The following ZNF385B variants were observed in gnomAD, a reference collection of about 807,000 sequenced individuals.
ZNF385B encodes the protein zinc finger protein 385B.
ZNF385B carries 23 observed loss-of-function variants against 39.2 expected under a neutral mutation model. The observed-to-expected ratio is 0.59, with a 90% CI of 0.42 to 0.83. ZNF385B has a LOEUF of 0.83. Among genes scored for constraint, ZNF385B ranks in the 40% least tolerant of loss-of-function variants. ZNF385B has a pLI of 0.00. For synonymous variants in ZNF385B, 205 were observed against 222.6 expected, an observed-to-expected ratio of 0.92 and a Z score of 0.70; for missense variants, 552 against 598.9, an observed-to-expected ratio of 0.92 and a Z score of 0.82.
Position 179,443,179 on chromosome 2 carries a change from A to G in ZNF385B, c.*71T>C. 6.3e-7 allele frequency: 1 copy of G among 1,579,632 alleles called. No homozygotes were observed. Among genetic ancestry groups the G allele is most frequent in the South Asian group, 1.1e-5 (1 of 89,254 alleles). On this transcript the variant is annotated 3_prime_UTR_variant, in exon 10 of 10. Coordinates refer to ENST00000410066, the MANE Select transcript of ZNF385B (RefSeq NM_152520.6). ...GGGGGTACTGCAACACAAACTGCTT[A>G]AATTGCTGAATCCTTGTGGCTTTCT... is the stretch of plus-strand genomic sequence containing the variant.
At chr2:179,759,513 T>G (rs1703240375) in intron 3 of ZNF385B, among the ~76,000 whole-genome samples, 5 of 152,284 alleles carry the variant, frequency 3.3e-5, no homozygotes, top group African/African-American at 4.8e-5. Flanking sequence ...GATCTTCCTC[T>G]TTTCCCCCAA....
intron 3 of ZNF385B, among the ~76,000 whole-genome samples, chr2:179,756,862 G>A (rs1007939900): frequency 6.6e-6 from 1 of 152,094 alleles, no homozygotes; most frequent in Non-Finnish European, 1.5e-5. Flanking sequence ...TTAGCCATTT[G>A]TGTAATCTTT....
chr2:179,605,832 C>A (rs535285819), intron 3 of ZNF385B, among the ~76,000 whole-genome samples: 4 of 152,166 alleles, frequency 2.6e-5, no homozygotes, highest in Non-Finnish European at 4.4e-5. Flanking sequence ...GGCTGGAAAC[C>A]TCTAGGGTCC....
intron 3 of ZNF385B, among the ~76,000 whole-genome samples, chr2:179,751,712 A>G (rs1158189174): frequency 2.0e-5 from 3 of 152,072 alleles, no homozygotes; most frequent in Non-Finnish European, 4.4e-5. Flanking sequence ...TACAGACTAT[A>G]GCAGCAAGAA....
At position 179,443,416 on chromosome 2, in the gene ZNF385B, A is replaced by T. The variant is rs745453353; in HGVS notation, c.1295T>A (p.Leu432Gln). ...DMMKPLAPAF[L>Q]SSPLAAAAAV... is the part of the protein sequence containing the mutation. The stretch of plus-strand genomic sequence containing the variant: ...TGCCGCCGCTGCGAGAGGTGAGGAC[A>T]GGAAGGCTGGGGCCAAAGGCTTCAT... The change falls in exon 10 of 10, where the codon CTG becomes CAG. Residue 432 changes from leucine to glutamine, a missense_variant. By Grantham distance (113) the Leu-to-Gln change is moderately radical. Transcript: ENST00000410066. 7 of 1,611,584 alleles carry T rather than the reference A, an allele frequency of 4.3e-6. No individual in the cohort carries two copies.
chr2:179,600,926 A>G (rs1185525854), intron 3 of ZNF385B, among the ~76,000 whole-genome samples: 2 of 152,240 alleles, frequency 1.3e-5, no homozygotes, highest in Non-Finnish European at 2.9e-5. Context: ...TAATAGCAGC[A>G]TTTAGACTCT....
At chr2:179,725,707 T>C (rs1259873007) in intron 3 of ZNF385B, among the ~76,000 whole-genome samples, 2 of 151,372 alleles carry the variant, frequency 1.3e-5, no homozygotes, top group African/African-American at 4.8e-5. Flanking sequence ...AAAATTACTA[T>C]GCAAATTGTT....
At chr2:179,687,161 A>C (rs1697987036) in intron 3 of ZNF385B, among the ~76,000 whole-genome samples, 1 of 151,292 alleles carries the variant, frequency 6.6e-6, no homozygotes, top group South Asian at 2.1e-4. Context: ...GCTTGAGTGC[A>C]GTCCAGCACA....
At chr2:179,663,090 C>T (rs1694689159) in intron 3 of ZNF385B, among the ~76,000 whole-genome samples, 1 of 152,074 alleles carries the variant, frequency 6.6e-6, no homozygotes, top group African/African-American at 2.4e-5. Context: ...AATTACTCAC[C>T]TTGCATGAAC....
intron 3 of ZNF385B, chr2:179,583,996 A>G (rs765860342): frequency 8.3e-7 from 1 of 1,209,168 alleles, no homozygotes; most frequent in South Asian, 1.3e-5. Context: ...CATGTGCCAA[A>G]CAACCTGCTA....
intron 4 of ZNF385B, among the ~76,000 whole-genome samples, chr2:179,536,904 A>T (rs1268857712): frequency 2.6e-5 from 4 of 152,226 alleles, no homozygotes. Context: ...GTGTTTCAAG[A>T]GTAAGTAGAG....
intron 5 of ZNF385B, among the ~76,000 whole-genome samples, chr2:179,507,930 AC>A (rs2057372048): frequency 6.6e-6 from 1 of 152,166 alleles, no homozygotes; most frequent in South Asian, 2.1e-4. Context: ...CTTTATGCTG[AC>A]CCACCACAAC....
chr2:179,820,114 A>T (rs953556422), intron 1 of ZNF385B, among the ~76,000 whole-genome samples: 2 of 151,996 alleles, frequency 1.3e-5, no homozygotes, highest in Admixed American at 6.6e-5. Flanking sequence ...TACTACTCAA[A>T]TTTTTTTCAT....
In ZNF385B at chr2:179,443,304, A is replaced by G. The variant is rs767352055; in HGVS notation, c.1407T>C (p.Pro469=). 1 of 1,612,810 alleles carries G rather than the reference A, an allele frequency of 6.2e-7. No individual in the cohort carries two copies. Among genetic ancestry groups the G allele is most frequent in the Admixed American group, 1.7e-5 (1 of 60,024 alleles). Reference sequence around the variant, plus strand: ...GAGTGGCGCGGATGGGCCCATGCCCAGGCCTCAGAAGAGCTGGAGGAATGG... The same window carrying G: ...GAGTGGCGCGGATGGGCCCATGCCCGGGCCTCAGAAGAGCTGGAGGAATGG... ...APAIPPALLR[P]GHGPIRATPA... Residue 469 remains proline (P), a synonymous_variant, in exon 10 of 10, where the codon CCT becomes CCC. Coordinates refer to ENST00000410066, the MANE Select transcript of ZNF385B (RefSeq NM_152520.6).
At position 179,524,574 on chromosome 2, in the gene ZNF385B, A is replaced by G. The variant is rs962780245; in HGVS notation, c.442-5936T>C. Among the ~76,000 whole-genome samples, 541 of 138,856 alleles carry G rather than the reference A, an allele frequency of 3.9e-3. 3 individuals carry two copies. The highest frequency in any genetic ancestry group is 7.1e-3 in the Middle Eastern group (2 of 280). The allele number at this position is 138,856 out of a possible 152,430, so 91.1% of individuals were successfully genotyped here. A position where few individuals can be genotyped will look rare whatever the true frequency, so the allele number is the denominator to read the frequency against. On this transcript the variant is annotated intron_variant, in intron 4 of 9. Coordinates refer to ENST00000410066, the MANE Select transcript of ZNF385B (RefSeq NM_152520.6). ...CTCAAAAAAAAAAAAAAAAAAAAAA[A>G]AAAAAAAAAAAAAAAATTTAAAGTC...
intron 3 of ZNF385B, among the ~76,000 whole-genome samples, chr2:179,672,651 C>T (rs930322185): frequency 1.3e-5 from 2 of 152,070 alleles, no homozygotes; most frequent in Non-Finnish European, 2.9e-5. Context: ...GGAATTAGTG[C>T]CCTTATAAAA....
At chr2:179,481,420 C>T (rs2053980880) in intron 6 of ZNF385B, among the ~76,000 whole-genome samples, 2 of 151,228 alleles carry the variant, frequency 1.3e-5, no homozygotes, top group African/African-American at 2.4e-5. Flanking sequence ...TTCTTCCACA[C>T]CTTTCCTTCT....
intron 3 of ZNF385B, among the ~76,000 whole-genome samples, chr2:179,618,976 T>C (rs993689544): frequency 6.6e-6 from 1 of 152,174 alleles, no homozygotes; most frequent in African/African-American, 2.4e-5. Context: ...GTTCAGCGAA[T>C]ATAATGCAGT....
chr2:179,493,419 A>G (rs1437980290), intron 5 of ZNF385B, among the ~76,000 whole-genome samples: 1 of 151,506 alleles, frequency 6.6e-6, no homozygotes, highest in Non-Finnish European at 1.5e-5. Flanking sequence ...ACACAAATGC[A>G]TGTGTACATA....
Sources: allele counts gnomAD v4.1 joint callset (sites outside exome capture counted in the v4.1 genomes callset), GRCh38; gene constraint gnomAD v4.1.1; transcripts MANE v1.5; gene names NCBI Gene and HGNC (gene_info 2026-07-23, HGNC 2026-07-21).